MAPK10: variants seen among roughly 807,000 people sequenced by gnomAD.
MAPK10 encodes the protein mitogen-activated protein kinase 10.
A neutral mutation model predicts 59.3 loss-of-function variants in MAPK10; 25 were observed. The observed-to-expected ratio is 0.42, with a 90% CI of 0.31 to 0.59. The LOEUF (loss-of-function observed/expected upper bound fraction) is 0.59. Among genes scored for constraint, MAPK10 ranks in the 20% least tolerant of loss-of-function variants. The pLI is 0.15. For synonymous variants in MAPK10, 190 were observed against 200.5 expected (o/e 0.95, Z 0.44); for missense variants, 351 against 568.9 (o/e 0.62, Z 3.90).
chr4:86,212,460 G>A (rs2086117182), intron 2 of MAPK10, among the ~76,000 whole-genome samples: 1 of 152,226 alleles, frequency 6.6e-6, no homozygotes, highest in Non-Finnish European at 1.5e-5. Flanking sequence ...ATTCAAGGCT[G>A]CAATGGGCCA....
At chr4:86,028,388 G>C (rs1278346059) in intron 13 of MAPK10, 7 of 152,064 alleles carry the variant, frequency 4.6e-5, no homozygotes, top group Non-Finnish European at 1.0e-4. Flanking sequence ...GTGTAAATTA[G>C]TTATTCGAAG....
chr4:86,477,300 T>C (rs973660799), intron 1 of MAPK10, among the ~76,000 whole-genome samples: 10 of 152,194 alleles, frequency 6.6e-5, no homozygotes, highest in African/African-American at 2.2e-4. Flanking sequence ...CAATACTCTT[T>C]TAAGCACTCC....
intron 13 of MAPK10, among the ~76,000 whole-genome samples, chr4:86,018,840 AAAT>A (rs1744758790): frequency 6.6e-6 from 1 of 152,242 alleles, no homozygotes; most frequent in Non-Finnish European, 1.5e-5. Flanking sequence ...ATTTGGTGAA[AAAT>A]AATAACTCCA....
intron 2 of MAPK10, among the ~76,000 whole-genome samples, chr4:86,203,974 A>G (rs1286201280): frequency 3.9e-5 from 6 of 151,904 alleles, no homozygotes; most frequent in Non-Finnish European, 8.8e-5. Flanking sequence ...GTTATGGTCC[A>G]TCAGTCAAAT....
chr4:86,120,002 C>T (rs978151932), intron 4 of MAPK10: 26 of 152,290 alleles, frequency 1.7e-4, no homozygotes, highest in Non-Finnish European at 2.8e-4. Flanking sequence ...CCCCAAAATA[C>T]TTCCTAATAA....
Position 86,089,167 on chromosome 4 carries a change from G to C in MAPK10, c.802+9357C>G, listed in dbSNP as rs768319092. The C allele has an allele frequency of 2.7e-6, 4 of 1,499,144 alleles. No homozygotes were observed. The Admixed American group carries it at 7.0e-5, about 26-fold the overall frequency. 92.9% of individuals were successfully genotyped at this position (1,499,144 alleles called of 1,614,324 possible). ...TGAGACAAAAGGGAATTAATTGAGA[G>C]TGACACCCATAGATACCACTGGCTG... On this transcript the variant is annotated intron_variant, in intron 9 of 13. Transcript: ENST00000641462.
intron 11 of MAPK10, among the ~76,000 whole-genome samples, chr4:86,043,115 G>C (rs1463483085): frequency 6.6e-6 from 1 of 152,030 alleles, no homozygotes; most frequent in Non-Finnish European, 1.5e-5. Context: ...TGGAACTCAG[G>C]CCAGCTCTAT....
At chr4:86,549,320 C>G (rs1033437868) in intron 1 of MAPK10, among the ~76,000 whole-genome samples, 1 of 152,148 alleles carries the variant, frequency 6.6e-6, no homozygotes, top group African/African-American at 2.4e-5. Flanking sequence ...TTACACAAAT[C>G]TAAATGGTAT....
intron 10 of MAPK10, chr4:86,065,329 A>G (rs777538008): frequency 2.6e-5 from 4 of 152,232 alleles, no homozygotes; most frequent in Admixed American, 6.5e-5. Context: ...AATCAATGGA[A>G]TCATGACTTG....
At chr4:86,441,424 C>T (rs141946097) in intron 1 of MAPK10, among the ~76,000 whole-genome samples, 2 of 152,342 alleles carry the variant, frequency 1.3e-5, no homozygotes, top group Non-Finnish European at 2.9e-5. Flanking sequence ...AAGAGACCTA[C>T]TTTTGCATTG....
intron 3 of MAPK10, chr4:86,191,503 C>T (rs1408255571): frequency 8.1e-6 from 1 of 124,010 alleles, no homozygotes; most frequent in Non-Finnish European, 1.7e-5. Context: ...TATGTAATGC[C>T]TTTCTTTGTC....
chr4:86,232,349 C>G (rs907850163), intron 2 of MAPK10, among the ~76,000 whole-genome samples: 16 of 151,214 alleles, frequency 1.1e-4, no homozygotes, highest in African/African-American at 3.9e-4. Context: ...ATTAAAACAT[C>G]TTTGCAAAAA....
chr4:86,527,937 G>A (rs1757591390), intron 1 of MAPK10, among the ~76,000 whole-genome samples: 1 of 152,118 alleles, frequency 6.6e-6, no homozygotes, highest in Non-Finnish European at 1.5e-5. Context: ...ACTTATAAAT[G>A]GGTGCTAAAC....
At chr4:86,067,672 A>C (rs2047010647) in intron 10 of MAPK10, 101 bp downstream of exon 10, 2 of 1,030,138 alleles carry the variant, frequency 1.9e-6, no homozygotes, top group East Asian at 5.1e-5. Flanking sequence ...TCAACTAAAA[A>C]TAAAAGGGAA....
chr4:86,491,195 C>T (rs1457600805), intron 1 of MAPK10, among the ~76,000 whole-genome samples: 1 of 152,160 alleles, frequency 6.6e-6, no homozygotes, highest in South Asian at 2.1e-4. Flanking sequence ...CCCACAGACA[C>T]AGGCAAAGGA....
intron 1 of MAPK10, among the ~76,000 whole-genome samples, chr4:86,548,585 A>C (rs1759476264): frequency 6.6e-6 from 1 of 152,166 alleles, no homozygotes. Context: ...CCATCCTCCT[A>C]GTGATAGGTT....
intron 5 of MAPK10, among the ~76,000 whole-genome samples, chr4:86,106,218 C>T (rs990357172): frequency 2.0e-5 from 3 of 152,094 alleles, no homozygotes; most frequent in Non-Finnish European, 4.4e-5. Flanking sequence ...AATACTAACA[C>T]ATTTGTGTCT....
chr4:86,066,402 C>T (rs970791968), intron 10 of MAPK10, among the ~76,000 whole-genome samples: 1 of 152,132 alleles, frequency 6.6e-6, no homozygotes, highest in Non-Finnish European at 1.5e-5. Flanking sequence ...ACTGATTTTA[C>T]ATCCAAATTC....
intron 10 of MAPK10, among the ~76,000 whole-genome samples, chr4:86,066,489 C>T (rs2046756903): frequency 6.7e-6 from 1 of 149,064 alleles, no homozygotes; most frequent in Non-Finnish European, 1.5e-5. Flanking sequence ...GTTAGCCGGG[C>T]GTGGTCGTGG....
Sources: allele counts gnomAD v4.1 joint callset (sites outside exome capture counted in the v4.1 genomes callset), GRCh38; gene constraint gnomAD v4.1.1; transcripts MANE v1.5; gene names NCBI Gene and HGNC (gene_info 2026-07-23, HGNC 2026-07-21).